The following WDTC1 variants were observed in gnomAD, a reference collection of about 807,000 sequenced individuals.
The protein encoded by WDTC1 is WD and tetratricopeptide repeats protein 1.
Under a neutral mutation model 76.0 loss-of-function variants are expected in WDTC1, and 12 were observed. The observed-to-expected ratio is 0.16, with a 90% CI of 0.10 to 0.26. The LOEUF (loss-of-function observed/expected upper bound fraction) is 0.26, where lower values mean the gene tolerates loss of function less well. Ranked by LOEUF, WDTC1 falls within the 10% of genes least tolerant of loss-of-function variation. The probability of loss-of-function intolerance (pLI) is 1.00; values close to 1 mark genes in which losing one functional copy is unlikely to be tolerated. For missense variants in WDTC1, 511 were observed against 908.8 expected (o/e 0.56, Z 5.63); for synonymous variants, 326 against 350.8 (o/e 0.93, Z 0.79).
chr1:27,253,094 C>T (rs552460406), intron 1 of WDTC1, among the ~76,000 whole-genome samples: 67 of 150,934 alleles, frequency 4.4e-4, no homozygotes, highest in South Asian at 2.1e-3. Context: ...CTGCAACCTC[C>T]GCCTCCCGGG....
In WDTC1 at chr1:27,301,557, T is replaced by C; in HGVS notation, c.1468+96T>C. 7.4e-7 allele frequency: 1 copy of C among 1,350,830 alleles called. No homozygotes were observed. The highest frequency in any genetic ancestry group is 2.0e-5 in the Admixed American group (1 of 48,976). The allele number at this position is 1,350,830 out of a possible 1,614,324, so 83.7% of individuals were successfully genotyped here. A position where few individuals can be genotyped will look rare whatever the true frequency, so the allele number is the denominator to read the frequency against. On this transcript the variant is annotated intron_variant, in intron 13 of 15. Transcript: ENST00000319394. The surrounding 1 kb of genome is among the most constrained non-coding windows in gnomAD (Gnocchi z 5.8). ...TCATGGTTCTGGGATTGGAGAGGCC[T>C]GGGTTCAGATGTTGATTCAGAAACC...
At position 27,251,033 on chromosome 1, in the gene WDTC1, A is replaced by ATTTTTTTT. The variant is rs71584875; in HGVS notation, c.-99-9893_-99-9886dup. Among the ~76,000 whole-genome samples the ATTTTTTTT allele has an allele frequency of 4.3e-3, 124 of 28,686 alleles. 49 individuals carry two copies. The highest frequency in any genetic ancestry group is 7.5e-3 in the Non-Finnish European group (95 of 12,590). 18.8% of individuals were successfully genotyped at this position (28,686 alleles called of 152,430 possible). A position where few individuals can be genotyped will look rare whatever the true frequency, so the allele number is the denominator to read the frequency against. On this transcript the variant is annotated intron_variant, in intron 1 of 15. Coordinates refer to ENST00000319394, the MANE Select transcript of WDTC1 (RefSeq NM_001276252.2). ...TGGCGTGCACCACTACTCCTGGCTA[A>ATTTTTTTT]TTTTTTTTTTTTTTTTTTTTTTTTT...
chr1:27,265,574 C>G (rs1299997572), intron 3 of WDTC1, among the ~76,000 whole-genome samples: 1 of 151,784 alleles, frequency 6.6e-6, no homozygotes, highest in African/African-American at 2.4e-5. Context: ...TCACTTGGGC[C>G]CAGGAGGTTA....
chr1:27,293,448 A>G (rs1345809687), intron 7 of WDTC1, among the ~76,000 whole-genome samples: 1 of 150,868 alleles, frequency 6.6e-6, no homozygotes, highest in African/African-American at 2.4e-5. Flanking sequence ...AAAAAAAAAA[A>G]AAAAAGTATA....
In WDTC1 at chr1:27,306,385, C is replaced by A. The variant is rs1411066282; in HGVS notation, c.*2C>A. The A allele has an allele frequency of 4.3e-6, 7 of 1,609,816 alleles. No individual in the cohort carries two copies. The highest frequency in any genetic ancestry group is 3.3e-5 in the Admixed American group (2 of 59,964). On this transcript the variant is annotated 3_prime_UTR_variant, in exon 16 of 16. Transcript: ENST00000319394. The surrounding 1 kb of genome is among the most constrained non-coding windows in gnomAD (Gnocchi z 5.0). ...CAGGTGCAGTGCCGGCCCAGCTAGA[C>A]CCTCCAGCCCTGGTCCCCAGCCCCT... is the stretch of plus-strand genomic sequence containing the variant.
intron 3 of WDTC1, among the ~76,000 whole-genome samples, chr1:27,267,016 G>A (rs1390979520): frequency 3.3e-5 from 5 of 152,126 alleles, no homozygotes; most frequent in Admixed American, 6.6e-5. Context: ...GTTTTTCCAC[G>A]TTAGAGGTAG....
chr1:27,263,149 T>A lies in WDTC1; in HGVS notation c.49-3T>A. The A allele has an allele frequency of 2.5e-6, 4 of 1,613,412 alleles. No homozygotes were observed. The highest frequency in any genetic ancestry group is 3.4e-6 in the Non-Finnish European group (4 of 1,179,708). On this transcript the variant is annotated splice_polypyrimidine_tract_variant and splice_region_variant and intron_variant, in intron 2 of 15. Coordinates refer to ENST00000319394, the MANE Select transcript of WDTC1 (RefSeq NM_001276252.2). ...AAATCACGAATTTGTTTCTGTCCCC[T>A]AGGAGCGGGGTGCCCTGAGCTTTGA...
intron 1 of WDTC1, among the ~76,000 whole-genome samples, chr1:27,255,128 C>G (rs776819237): frequency 6.6e-6 from 1 of 152,090 alleles, no homozygotes; most frequent in Non-Finnish European, 1.5e-5. Flanking sequence ...CTTAGTATGG[C>G]TACTATGTGT....
intron 6 of WDTC1, among the ~76,000 whole-genome samples, chr1:27,289,025 CG>C (rs1272342887): frequency 1.4e-5 from 2 of 142,684 alleles, no homozygotes; most frequent in Non-Finnish European, 3.1e-5. Flanking sequence ...GCTGGCTGGG[CG>C]GGGGGCTGAC....
chr1:27,242,227 G>T (rs1446542184), intron 1 of WDTC1, among the ~76,000 whole-genome samples: 8 of 152,024 alleles, frequency 5.3e-5, no homozygotes, highest in Admixed American at 5.2e-4. Flanking sequence ...CACTTTGGGA[G>T]GGTGAGATGG....
At chr1:27,259,198 C>T (rs559411761) in intron 1 of WDTC1, among the ~76,000 whole-genome samples, 2 of 152,224 alleles carry the variant, frequency 1.3e-5, no homozygotes, top group African/African-American at 2.4e-5. Context: ...CTTGTTCTGT[C>T]ACCCAGGCAG....
chr1:27,287,627 C>T, intron 5 of WDTC1, 47 bp from the exon 6 acceptor site: 1 of 1,573,536 alleles, frequency 6.4e-7, no homozygotes, highest in African/African-American at 1.3e-5. Flanking sequence ...CTTCCGTGGC[C>T]ATTTCTACTC....
intron 3 of WDTC1, among the ~76,000 whole-genome samples, chr1:27,272,044 G>A (rs1319958811): frequency 2.0e-5 from 3 of 149,466 alleles, no homozygotes; most frequent in South Asian, 2.2e-4. Context: ...TTGGGAGTTC[G>A]AGACCAGCCT....
chr1:27,273,031 C>T (rs1158633458), intron 3 of WDTC1, among the ~76,000 whole-genome samples: 1 of 152,042 alleles, frequency 6.6e-6, no homozygotes, highest in African/African-American at 2.4e-5. Context: ...TTTCTAAATG[C>T]CATTCTCTAT....
chr1:27,247,712 C>CTTTTTTTTTTTTT (rs35930144), intron 1 of WDTC1, among the ~76,000 whole-genome samples: 13 of 136,560 alleles, frequency 9.5e-5, no homozygotes, highest in Admixed American at 1.5e-4. Flanking sequence ...CATTTTCTTT[C>CTTTTTTTTTTTTT]TTTTTTTTTT....
chr1:27,294,417 G>A, intron 8 of WDTC1, 97 bp from the exon 9 acceptor site: 1 of 1,117,584 alleles, frequency 8.9e-7, no homozygotes, highest in Non-Finnish European at 1.3e-6. Context: ...TTATGCTAAA[G>A]TTGATTGGTA....
At chr1:27,249,075 T>G (rs2011947465) in intron 1 of WDTC1, among the ~76,000 whole-genome samples, 1 of 152,122 alleles carries the variant, frequency 6.6e-6, no homozygotes, top group Non-Finnish European at 1.5e-5. Context: ...CAAGACAAGC[T>G]TAGCCAACAT....
At chr1:27,261,812 T>C (rs2012483080) in intron 2 of WDTC1, among the ~76,000 whole-genome samples, 1 of 152,212 alleles carries the variant, frequency 6.6e-6, no homozygotes, top group African/African-American at 2.4e-5. Flanking sequence ...CTCAGTTTTA[T>C]GTTGTTAAAT....
At chr1:27,299,613 G>A (rs973646735) in intron 12 of WDTC1, among the ~76,000 whole-genome samples, 2 of 152,146 alleles carry the variant, frequency 1.3e-5, no homozygotes, top group African/African-American at 4.8e-5. Context: ...CAGAGGGTTC[G>A]GAAAGGGACT....
Sources: allele counts gnomAD v4.1 joint callset (sites outside exome capture counted in the v4.1 genomes callset), GRCh38; gene constraint gnomAD v4.1.1; non-coding constraint Gnocchi (gnomAD v3.1); transcripts MANE v1.5; gene names NCBI Gene and HGNC (gene_info 2026-07-23, HGNC 2026-07-21).